NRCAM: variants seen among roughly 807,000 people sequenced by gnomAD.
NRCAM encodes the protein NgCAM-related cell adhesion molecule.
NRCAM carries 83 observed loss-of-function variants against 156.5 expected under a neutral mutation model. The ratio of observed to expected loss-of-function variants is 0.53; its 90% confidence interval spans 0.44 to 0.64. The LOEUF (loss-of-function observed/expected upper bound fraction) is 0.64. Ranked by LOEUF, NRCAM falls within the 30% of genes least tolerant of loss-of-function variation. The pLI is 0.00. For missense variants in NRCAM, 1,417 were observed against 1,597.3 expected (o/e 0.89, Z 1.92); for synonymous variants, 538 against 563.9 (o/e 0.95, Z 0.65).
At chr7:108,173,162 T>G (rs2059187261) in intron 28 of NRCAM, among the ~76,000 whole-genome samples, 1 of 151,940 alleles carries the variant, frequency 6.6e-6, no homozygotes, top group African/African-American at 2.4e-5. Context: ...ATTTTTATAT[T>G]TTTAGTAGAG....
chr7:108,198,602 T>C (rs2076359844), intron 13 of NRCAM, among the ~76,000 whole-genome samples: 1 of 152,124 alleles, frequency 6.6e-6, no homozygotes, highest in African/African-American at 2.4e-5. Context: ...AGAAAAAAAG[T>C]TAACGATCAA....
intron 3 of NRCAM, chr7:108,243,192 G>A (rs1197093284): frequency 6.6e-6 from 1 of 152,076 alleles, no homozygotes; most frequent in African/African-American, 2.4e-5. Context: ...GTTAGAGGAG[G>A]ACGAAGCAAT....
rs60553976 is a variant in NRCAM at position 108,324,877 on chromosome 7, C to CTTTTTTTT, written c.-173-12154_-173-12147dup. On this transcript the variant is annotated intron_variant, in intron 2 of 32. Coordinates refer to ENST00000379028, the MANE Select transcript of NRCAM (RefSeq NM_001037132.4). The stretch of plus-strand genomic sequence containing the variant: ...TGTTTGTGTAATATTTGGCACTGTA[C>CTTTTTTTT]TTTTTTTTTTTTTTTTTTTTTTTTT... Among the ~76,000 whole-genome samples the CTTTTTTTT allele has an allele frequency of 1.8e-4, 15 of 82,684 alleles. 2 individuals carry two copies. Among genetic ancestry groups the CTTTTTTTT allele is most frequent in the African/African-American group, 3.1e-4 (6 of 19,562 alleles). The allele number at this position is 82,684 out of a possible 152,430, so 54.2% of individuals were successfully genotyped here.
intron 17 of NRCAM, 70 bp from the exon 18 acceptor site, chr7:108,191,923 A>AG (rs1161129230): frequency 1.3e-6 from 2 of 1,519,090 alleles, no homozygotes; most frequent in East Asian, 4.6e-5. Context: ...CTTCACTGGC[A>AG]GGAAAAAAAC....
intron 3 of NRCAM, among the ~76,000 whole-genome samples, chr7:108,293,379 T>G (rs1416496104): frequency 6.6e-6 from 1 of 152,202 alleles, no homozygotes; most frequent in East Asian, 1.9e-4. Flanking sequence ...AACCCAAGGC[T>G]AGCTGCCCTT....
chr7:108,373,282 T>A (rs1356832113), intron 2 of NRCAM, among the ~76,000 whole-genome samples: 1 of 152,194 alleles, frequency 6.6e-6, no homozygotes, highest in Non-Finnish European at 1.5e-5. Flanking sequence ...CATATGCCAT[T>A]GTCCCTAAAT....
At chr7:108,351,961 T>A (rs1223003600) in intron 2 of NRCAM, among the ~76,000 whole-genome samples, 1 of 152,220 alleles carries the variant, frequency 6.6e-6, no homozygotes, top group Non-Finnish European at 1.5e-5. Flanking sequence ...ATCTGTGCTG[T>A]TGCCCTGAGA....
At chr7:108,243,469 T>C (rs538992100) in intron 3 of NRCAM, among the ~76,000 whole-genome samples, 1 of 152,314 alleles carries the variant, frequency 6.6e-6, no homozygotes, top group East Asian at 1.9e-4. Flanking sequence ...TGCCTTGTAC[T>C]TTACCTTGGA....
At chr7:108,216,390 T>C (rs2088904036) in intron 11 of NRCAM, among the ~76,000 whole-genome samples, 1 of 152,216 alleles carries the variant, frequency 6.6e-6, no homozygotes. Flanking sequence ...ATTATTTGTC[T>C]TGGGGTTGCT....
intron 25 of NRCAM, chr7:108,178,333 C>A: frequency 6.0e-6 from 3 of 502,768 alleles, no homozygotes; most frequent in Admixed American, 3.2e-5. Flanking sequence ...ATAAAACCAT[C>A]CTCTCAAAAC....
intron 1 of NRCAM, among the ~76,000 whole-genome samples, chr7:108,425,494 G>T (rs1021432332): frequency 8.5e-5 from 13 of 152,078 alleles, no homozygotes; most frequent in African/African-American, 3.1e-4. Context: ...AGGCTTTCAG[G>T]TTCAAAATCA....
intron 30 of NRCAM, among the ~76,000 whole-genome samples, chr7:108,163,786 G>T (rs1416744436): frequency 6.8e-6 from 1 of 146,530 alleles, no homozygotes; most frequent in African/African-American, 2.6e-5. Flanking sequence ...TGGCGGTAAT[G>T]AGAGGTCATA....
intron 3 of NRCAM, among the ~76,000 whole-genome samples, chr7:108,253,456 G>C (rs2096474040): frequency 6.6e-6 from 1 of 152,208 alleles, no homozygotes; most frequent in Non-Finnish European, 1.5e-5. Context: ...CATGAGTAAA[G>C]TCCAAGCGTA....
At chr7:108,299,674 GGC>G (rs1283290540) in intron 3 of NRCAM, among the ~76,000 whole-genome samples, 4 of 152,152 alleles carry the variant, frequency 2.6e-5, no homozygotes, top group Non-Finnish European at 4.4e-5. Context: ...GATGTGAACG[GGC>G]AGCCGGGTAA....
chr7:108,259,573 G>A (rs2081938460), intron 3 of NRCAM, among the ~76,000 whole-genome samples: 1 of 152,172 alleles, frequency 6.6e-6, no homozygotes, highest in African/African-American at 2.4e-5. Context: ...ATTCACAATA[G>A]CAAGGAGATG....
intron 1 of NRCAM, among the ~76,000 whole-genome samples, chr7:108,421,415 A>G (rs950159524): frequency 2.6e-5 from 4 of 152,208 alleles, no homozygotes; most frequent in East Asian, 1.9e-4. Context: ...TAATTATTCA[A>G]TAATATAGAC....
chr7:108,424,349 A>C (rs149479325), intron 1 of NRCAM, among the ~76,000 whole-genome samples: 1 of 152,308 alleles, frequency 6.6e-6, no homozygotes, highest in East Asian at 1.9e-4. Flanking sequence ...GTGCTGGAAA[A>C]ACTGCCTGTG....
At chr7:108,161,552 A>C (rs910347869) in intron 30 of NRCAM, among the ~76,000 whole-genome samples, 3 of 151,926 alleles carry the variant, frequency 2.0e-5, no homozygotes, top group Non-Finnish European at 4.4e-5. Flanking sequence ...TCTTCTTTTG[A>C]CTCTATAAGC....
In NRCAM at chr7:108,198,018, T is replaced by C; in HGVS notation, c.1289A>G (p.Tyr430Cys). Residue 430 changes from tyrosine to cysteine, a missense_variant, in exon 14 of 33, where the codon TAT becomes TGT. Physicochemically the swap from Tyr to Cys is radical, Grantham distance 194. This residue lies in a region of NRCAM where 1,238 missense variants were observed against 1,336.4 expected (regional missense o/e 0.93). Coordinates refer to ENST00000379028, the MANE Select transcript of NRCAM (RefSeq NM_001037132.4). The stretch of plus-strand genomic sequence containing the variant: ...ATATTCATTAGAGGCATTGCACTGA[T>C]AGACTGCACTTGATCTTTCTTGAAC... ...SNVQERSSAV[Y>C]QCNASNEYGY... 6.3e-7 allele frequency: 1 copy of C among 1,596,782 alleles called. No individual in the cohort carries two copies. Among genetic ancestry groups the C allele is most frequent in the Non-Finnish European group, 8.5e-7 (1 of 1,170,178 alleles).
Sources: gnomAD v4.1 joint callset for allele counts (sites outside exome capture counted in the v4.1 genomes callset) on GRCh38, gnomAD v4.1.1 for gene constraint, gnomAD v4.1.1 regional missense constraint, MANE v1.5 for transcripts, NCBI Gene and HGNC (gene_info 2026-07-23, HGNC 2026-07-21) for gene names.